DSCAM: variants seen among roughly 807,000 people sequenced by gnomAD.
The protein encoded by DSCAM is cell adhesion molecule DSCAM.
Under a neutral mutation model 217.7 loss-of-function variants are expected in DSCAM, and 47 were observed. The ratio of observed to expected loss-of-function variants is 0.22; its 90% confidence interval spans 0.17 to 0.28. The LOEUF (loss-of-function observed/expected upper bound fraction) is 0.28, where lower values mean the gene tolerates loss of function less well. DSCAM is among the 10% of genes least tolerant of loss of function. The pLI is 1.00. For synonymous variants in DSCAM, 1,056 were observed against 1,015.3 expected, an observed-to-expected ratio of 1.04 and a Z score of -0.76; for missense variants, 2,080 against 2,618.3, an observed-to-expected ratio of 0.79 and a Z score of 4.49.
chr21:40,194,907 C>G (rs1362149943), intron 11 of DSCAM, among the ~76,000 whole-genome samples: 1 of 152,096 alleles, frequency 6.6e-6, no homozygotes, highest in Admixed American at 6.5e-5. Flanking sequence ...CGGCTTTCTC[C>G]ATCCTCTCCC....
intron 29 of DSCAM, among the ~76,000 whole-genome samples, chr21:40,054,819 G>A (rs77652247): frequency 0.023 from 3,447 of 152,196 alleles, 136 homozygotes; most frequent in African/African-American, 0.08. Context: ...CTGGTTCTGC[G>A]CCTGTCTCTG....
chr21:40,238,311 C>T (rs2073105021), intron 11 of DSCAM, among the ~76,000 whole-genome samples: 1 of 152,216 alleles, frequency 6.6e-6, no homozygotes, highest in African/African-American at 2.4e-5. Flanking sequence ...GACAAGCATA[C>T]TCAGGATGTG....
At chr21:40,641,693 C>T (rs541955398) in intron 3 of DSCAM, among the ~76,000 whole-genome samples, 13 of 152,182 alleles carry the variant, frequency 8.5e-5, no homozygotes, top group African/African-American at 3.1e-4. Flanking sequence ...TATTTGACTC[C>T]TATTTGGTGG....
chr21:40,446,389 G>A (rs1245735644), intron 3 of DSCAM, among the ~76,000 whole-genome samples: 2 of 152,160 alleles, frequency 1.3e-5, no homozygotes, highest in African/African-American at 4.8e-5. Flanking sequence ...TGGCCACTGG[G>A]CACAAGGAAT....
chr21:40,643,567 C>T lies in DSCAM; in HGVS notation c.508+49243G>A, dbSNP rs547131713. 1.3e-3 allele frequency among the ~76,000 whole-genome samples: 201 copies of T among 152,242 alleles called. 2 individuals are homozygous for T. In the South Asian group the frequency reaches 0.021, roughly 16 times the overall value. ...CAGAGGTTCAACTAATTTGGGATGCCGGCCAAGAGTGGACTCTTTTGCTTT... is the reference window on the plus strand; with the variant it reads ...CAGAGGTTCAACTAATTTGGGATGCTGGCCAAGAGTGGACTCTTTTGCTTT... On this transcript the variant is annotated intron_variant, in intron 3 of 32. Transcript: ENST00000400454.
At position 40,116,697 on chromosome 21, in the gene DSCAM, A is replaced by T. The variant is rs578088131; in HGVS notation, c.3696+7498T>A. Among the ~76,000 whole-genome samples, 23 of 118,554 alleles carry T rather than the reference A, an allele frequency of 1.9e-4. 1 individual carries two copies. Among genetic ancestry groups the T allele is most frequent in the Middle Eastern group, 5.0e-3 (1 of 200 alleles). The allele number at this position is 118,554 out of a possible 152,430, so 77.8% of individuals were successfully genotyped here. A position where few individuals can be genotyped will look rare whatever the true frequency, so the allele number is the denominator to read the frequency against. On this transcript the variant is annotated intron_variant, in intron 20 of 32. Transcript: ENST00000400454. Reference sequence around the variant, plus strand: ...CATAATTTTCAGATTTTCCATTATTAAAAAAAAAAAAAGAGAGAGATTCGA... The same window carrying T: ...CATAATTTTCAGATTTTCCATTATTTAAAAAAAAAAAAGAGAGAGATTCGA...
At chr21:40,786,082 C>T (rs1274407147) in intron 1 of DSCAM, among the ~76,000 whole-genome samples, 1 of 152,020 alleles carries the variant, frequency 6.6e-6, no homozygotes, top group Non-Finnish European at 1.5e-5. Context: ...ACCAAAAATA[C>T]AAAATTAGCC....
intron 14 of DSCAM, among the ~76,000 whole-genome samples, chr21:40,184,928 T>C (rs1240611419): frequency 2.0e-5 from 3 of 152,196 alleles, no homozygotes; most frequent in African/African-American, 7.2e-5. Flanking sequence ...CTATTAGATG[T>C]TGAGTATGCT....
chr21:40,483,333 A>C (rs2075998174), intron 3 of DSCAM, among the ~76,000 whole-genome samples: 1 of 152,216 alleles, frequency 6.6e-6, no homozygotes, highest in South Asian at 2.1e-4. Flanking sequence ...ACAGCTACCT[A>C]TTATGGATAA....
rs570792151 is a variant in DSCAM, at chr21:40,469,734, C to G, written c.509-100489G>C. 4.8e-4 allele frequency among the ~76,000 whole-genome samples: 73 copies of G among 152,188 alleles called. 1 individual carries two copies. The highest frequency in any genetic ancestry group is 7.1e-4 in the Non-Finnish European group (48 of 68,002). ...GAATAAGATTGAAAAAAATTAAATACCAGAAATTTAGTTAAAAAATAATGA... is the reference window on the plus strand; with the variant it reads ...GAATAAGATTGAAAAAAATTAAATAGCAGAAATTTAGTTAAAAAATAATGA... On this transcript the variant is annotated intron_variant, in intron 3 of 32. Coordinates refer to ENST00000400454, the MANE Select transcript of DSCAM (RefSeq NM_001389.5).
intron 20 of DSCAM, among the ~76,000 whole-genome samples, chr21:40,120,873 T>C (rs1195968613): frequency 6.6e-6 from 1 of 150,508 alleles, no homozygotes; most frequent in Admixed American, 6.6e-5. Flanking sequence ...GCAGACATTA[T>C]ATGTCACATA....
intron 1 of DSCAM, among the ~76,000 whole-genome samples, chr21:40,758,812 C>G (rs2091302008): frequency 6.6e-6 from 1 of 152,090 alleles, no homozygotes; most frequent in African/African-American, 2.4e-5. Flanking sequence ...CCAGTCATGA[C>G]ACACTTGGTT....
At chr21:40,211,681 G>A (rs907906422) in intron 11 of DSCAM, among the ~76,000 whole-genome samples, 1 of 152,092 alleles carries the variant, frequency 6.6e-6, no homozygotes, top group African/African-American at 2.4e-5. Flanking sequence ...CTTGTCCTTG[G>A]TACAGCCCAT....
At chr21:40,811,618 G>C (rs890127925) in intron 1 of DSCAM, among the ~76,000 whole-genome samples, 15 of 152,318 alleles carry the variant, frequency 9.8e-5, no homozygotes, top group East Asian at 1.9e-4. Context: ...GCAGATAAAG[G>C]CAGTCTGCAA....
intron 3 of DSCAM, among the ~76,000 whole-genome samples, chr21:40,521,018 A>G (rs1463090592): frequency 6.6e-6 from 1 of 152,212 alleles, no homozygotes; most frequent in African/African-American, 2.4e-5. Flanking sequence ...TTCTAATAAA[A>G]TAAAATTTCA....
chr21:40,814,667 T>C (rs61097850), intron 1 of DSCAM, among the ~76,000 whole-genome samples: 4,480 of 152,200 alleles, frequency 0.029, 216 homozygotes, highest in African/African-American at 0.1. Flanking sequence ...AAGGATATAA[T>C]GGAAAACGAA....
At chr21:40,361,281 C>A (rs2074761593) in intron 4 of DSCAM, among the ~76,000 whole-genome samples, 1 of 152,094 alleles carries the variant, frequency 6.6e-6, no homozygotes, top group Admixed American at 6.6e-5. Flanking sequence ...ATGTTTATTT[C>A]TTGATAGTTT....
intron 3 of DSCAM, chr21:40,629,507 G>C (rs942335879): frequency 6.6e-6 from 1 of 152,180 alleles, no homozygotes; most frequent in South Asian, 2.1e-4. Context: ...GGAGAAGTGA[G>C]GAAGGAGTTT....
chr21:40,532,005 T>A (rs568973761), intron 3 of DSCAM, among the ~76,000 whole-genome samples: 2 of 152,292 alleles, frequency 1.3e-5, no homozygotes, highest in East Asian at 3.9e-4. Flanking sequence ...TTCCAAAGCC[T>A]CATCATTTAA....
Sources: gnomAD v4.1 joint callset for allele counts (sites outside exome capture counted in the v4.1 genomes callset) on GRCh38, gnomAD v4.1.1 for gene constraint, MANE v1.5 for transcripts, NCBI Gene and HGNC (gene_info 2026-07-23, HGNC 2026-07-21) for gene names.